GABRP: variants seen among roughly 807,000 people sequenced by gnomAD.
The protein encoded by GABRP is gamma-aminobutyric acid type A receptor subunit pi, also known as gamma-aminobutyric acid receptor subunit pi.
GABRP carries 52 observed loss-of-function variants against 47.8 expected under a neutral mutation model. The ratio of observed to expected loss-of-function variants is 1.09; its 90% CI spans 0.87 to 1.37. GABRP has a LOEUF of 1.37. Ranked by LOEUF, GABRP falls within the 40% of genes most tolerant of loss-of-function variation. The pLI, the probability that GABRP is intolerant of heterozygous loss-of-function variation, is 0.00. For missense variants in GABRP, 525 were observed against 542.8 expected, an observed-to-expected ratio of 0.97 and a Z score of 0.33; for synonymous variants, 221 against 205.8, an observed-to-expected ratio of 1.07 and a Z score of -0.63.
chr5:170,804,941 A>G (rs769406168), intron 6 of GABRP, among the ~76,000 whole-genome samples: 2 of 147,622 alleles, frequency 1.4e-5, no homozygotes, highest in Non-Finnish European at 3.0e-5. Flanking sequence ...TATAAGCTTT[A>G]CTGTATATTA....
At chr5:170,801,824 T>C (rs1436716688) in intron 6 of GABRP, among the ~76,000 whole-genome samples, 1 of 146,362 alleles carries the variant, frequency 6.8e-6, no homozygotes, top group African/African-American at 2.5e-5. Flanking sequence ...TAAATAATTA[T>C]AACAGAATGA....
At position 170,803,742 on chromosome 5, in the gene GABRP, GTGGTTGGTTGGT is replaced by G. The variant is rs3079467; in HGVS notation, c.542-1936_542-1925del. Among the ~76,000 whole-genome samples, 415 of 148,128 alleles carry G rather than the reference GTGGTTGGTTGGT, an allele frequency of 2.8e-3. 6 individuals are homozygous for G. The highest frequency in any genetic ancestry group is 0.021 in the Middle Eastern group (6 of 290). On this transcript the variant is annotated intron_variant, in intron 6 of 9. Coordinates refer to ENST00000265294, the MANE Select transcript of GABRP (RefSeq NM_014211.3). Reference sequence around the variant, plus strand: ...TCTTATAAATGGAATCATGCACTATGTGGTTGGTTGGTTGGTTGGTTGGTTGGTTGGTTGGTT... The same window carrying G: ...TCTTATAAATGGAATCATGCACTATGTGGTTGGTTGGTTGGTTGGTTGGTT...
chr5:170,790,217 A>G (rs979330009), intron 3 of GABRP, among the ~76,000 whole-genome samples: 1 of 152,186 alleles, frequency 6.6e-6, no homozygotes, highest in Non-Finnish European at 1.5e-5. Flanking sequence ...ATAGCAGAAA[A>G]CAACAGAAAG....
At chr5:170,803,895 G>A (rs1315870563) in intron 6 of GABRP, among the ~76,000 whole-genome samples, 2 of 152,054 alleles carry the variant, frequency 1.3e-5, no homozygotes, top group Admixed American at 1.3e-4. Flanking sequence ...TCCTATCTCA[G>A]CCTCCCAAGT....
chr5:170,810,003 T>C, intron 9 of GABRP: 1 of 701,620 alleles, frequency 1.4e-6, no homozygotes, highest in Non-Finnish European at 2.6e-6. Flanking sequence ...GTTATCTGTA[T>C]GCAGCATAAA....
At chr5:170,796,731 A>G (rs1765439284) in intron 5 of GABRP, among the ~76,000 whole-genome samples, 3 of 152,210 alleles carry the variant, frequency 2.0e-5, no homozygotes, top group Non-Finnish European at 2.9e-5. Flanking sequence ...GTCTCCCTAA[A>G]GGGAGTGTGA....
chr5:170,799,945 C>T (rs1194107499), intron 6 of GABRP, among the ~76,000 whole-genome samples: 1 of 152,050 alleles, frequency 6.6e-6, no homozygotes, highest in African/African-American at 2.4e-5. Flanking sequence ...CAATGCCATC[C>T]CCATCAAGCT....
chr5:170,792,650 C>T (rs1448516003), intron 3 of GABRP, among the ~76,000 whole-genome samples: 3 of 152,174 alleles, frequency 2.0e-5, no homozygotes, highest in Admixed American at 2.0e-4. Flanking sequence ...CCAGCACCTT[C>T]CAGGGTGTGC....
chr5:170,809,501 C>A (rs1561816182), intron 8 of GABRP, 67 bp from the exon 9 acceptor site: 8 of 1,512,016 alleles, frequency 5.3e-6, no homozygotes, highest in East Asian at 2.3e-5. Flanking sequence ...AATGGGGACA[C>A]TCTGCCAGGC....
chr5:170,794,152 C>G (rs1765356476), intron 3 of GABRP, 79 bp from the exon 4 acceptor site: 1 of 852,758 alleles, frequency 1.2e-6, no homozygotes, highest in African/African-American at 1.7e-5. Flanking sequence ...TAATTTTAAT[C>G]TTTTTTAGAA....
rs1337885286 is a variant in GABRP at position 170,808,685 on chromosome 5, C to T, written c.765C>T (p.Phe255=). Residue 255 remains phenylalanine (F), a synonymous_variant, in exon 8 of 10, where the codon TTC becomes TTT. Transcript: ENST00000265294. ...FILETYVPST[F]LVVLSWVSFW... is the part of the protein sequence containing the mutation. The stretch of plus-strand genomic sequence containing the variant: ...TGGAAACCTACGTTCCTTCCACTTT[C>T]CTGGTGGTGTTGTCCTGGGTTTCAT... 1 of 1,614,124 alleles carries T rather than the reference C, an allele frequency of 6.2e-7. No homozygotes were observed. The highest frequency in any genetic ancestry group is 8.5e-7 in the Non-Finnish European group (1 of 1,179,972).
At chr5:170,811,656 C>T (rs901832104) in intron 9 of GABRP, among the ~76,000 whole-genome samples, 4 of 152,154 alleles carry the variant, frequency 2.6e-5, no homozygotes, top group Non-Finnish European at 4.4e-5. Flanking sequence ...AATTTGAACC[C>T]AGGTCCACTA....
At chr5:170,805,578 G>A in intron 6 of GABRP, 138 bp from the exon 7 acceptor site, 1 of 961,140 alleles carries the variant, frequency 1.0e-6, no homozygotes. Flanking sequence ...ATCTTGCTAA[G>A]TTCTGCATGG....
At chr5:170,789,397 T>C in intron 3 of GABRP, 150 bp downstream of exon 3, 1 of 603,198 alleles carries the variant, frequency 1.7e-6, no homozygotes, top group Non-Finnish European at 2.9e-6. Flanking sequence ...TGGCTACCAA[T>C]GATTTTTCAC....
chr5:170,785,824 G>A (rs1765115996), intron 1 of GABRP, among the ~76,000 whole-genome samples: 1 of 152,232 alleles, frequency 6.6e-6, no homozygotes, highest in South Asian at 2.1e-4. Flanking sequence ...GCCAAGGGCT[G>A]GTGGGAAGAG....
chr5:170,807,385 C>T (rs1765762710), intron 7 of GABRP, among the ~76,000 whole-genome samples: 1 of 152,156 alleles, frequency 6.6e-6, no homozygotes, highest in Non-Finnish European at 1.5e-5. Flanking sequence ...AAGTTGGGTT[C>T]ATATAAAAAA....
chr5:170,813,998 T>C lies in GABRP; in HGVS notation c.*1740T>C, dbSNP rs1765958143. Reference sequence around the variant, plus strand: ...CATTGTTTTTATATAAAAACAATGATAAAGATGTGAAACTGTGAAATAAAT... The same window carrying C: ...CATTGTTTTTATATAAAAACAATGACAAAGATGTGAAACTGTGAAATAAAT... On this transcript the variant is annotated 3_prime_UTR_variant, in exon 10 of 10. Transcript: ENST00000265294. 1 of 152,148 alleles carries C rather than the reference T, an allele frequency of 6.6e-6. No homozygotes were observed. The highest frequency in any genetic ancestry group is 6.5e-5 in the Admixed American group (1 of 15,274). The allele number at this position is 152,148 out of a possible 1,614,324, so 9.4% of individuals were successfully genotyped here.
chr5:170,806,597 C>T (rs1223485039), intron 7 of GABRP, among the ~76,000 whole-genome samples: 1 of 152,196 alleles, frequency 6.6e-6, no homozygotes, highest in Non-Finnish European at 1.5e-5. Context: ...CATCCTCCAG[C>T]ATGCCCGGCT....
chr5:170,808,811 T>G, intron 8 of GABRP, 59 bp downstream of exon 8: 1 of 1,496,518 alleles, frequency 6.7e-7, no homozygotes, highest in Admixed American at 1.8e-5. Context: ...TTACTTTTTT[T>G]CCTTTTACCA....
Sources: allele counts gnomAD v4.1 joint callset (sites outside exome capture counted in the v4.1 genomes callset), GRCh38; gene constraint gnomAD v4.1.1; transcripts MANE v1.5; gene names NCBI Gene and HGNC (gene_info 2026-07-23, HGNC 2026-07-21).